SYNJ1: variants seen among roughly 807,000 people sequenced by gnomAD.
SYNJ1 encodes polyphosphatidylinositol phosphatase SYNJ1.
In SYNJ1, 78 loss-of-function variants were observed where a neutral mutation model predicts 168.2. The observed-to-expected ratio is 0.46, with a 90% confidence interval of 0.39 to 0.56. The LOEUF (loss-of-function observed/expected upper bound fraction) is 0.56. Among genes scored for constraint, SYNJ1 ranks in the 20% least tolerant of loss-of-function variants. The pLI, the probability that SYNJ1 is intolerant of heterozygous loss-of-function variation, is 0.00. For missense variants in SYNJ1, 1,303 were observed against 1,597.6 expected, an observed-to-expected ratio of 0.82 and a Z score of 3.14; for synonymous variants, 539 against 548.6, an observed-to-expected ratio of 0.98 and a Z score of 0.24.
chr21:32,657,174 G>A (rs891688949), intron 19 of SYNJ1, 54 bp from the exon 20 acceptor site: 23 of 1,231,762 alleles, frequency 1.9e-5, no homozygotes, highest in East Asian at 1.6e-4. Context: ...AGGACAGATC[G>A]TGTAGAGCAA....
chr21:32,653,395 T>C lies in SYNJ1; in HGVS notation c.2796-29A>G, dbSNP rs1440161095. ...TAAGAAAAACAATAAAAAACCATAA[T>C]TAATACCATAGACATAACAAGCTCA... On this transcript the variant is annotated intron_variant, in intron 21 of 32. Transcript: ENST00000674351. 2.6e-6 allele frequency: 4 copies of C among 1,526,990 alleles called. No homozygotes were observed. The South Asian group carries it at 4.5e-5, about 17-fold the overall frequency. 94.6% of individuals were successfully genotyped at this position (1,526,990 alleles called of 1,614,324 possible).
intron 11 of SYNJ1, among the ~76,000 whole-genome samples, chr21:32,680,617 CT>C (rs879483781): frequency 1.2e-3 from 177 of 144,792 alleles, no homozygotes; most frequent in Middle Eastern, 3.6e-3. Flanking sequence ...TAAGTCCATT[CT>C]TTTTTTTTTT....
chr21:32,695,422 T>G, intron 4 of SYNJ1, 140 bp from the exon 5 acceptor site: 2 of 810,960 alleles, frequency 2.5e-6, no homozygotes, highest in Non-Finnish European at 3.7e-6. Flanking sequence ...TTACATTTAC[T>G]ATGCTAGGGA....
chr21:32,650,983 G>A (rs16989634), intron 22 of SYNJ1, among the ~76,000 whole-genome samples: 4,453 of 152,238 alleles, frequency 0.029, 227 homozygotes, highest in African/African-American at 0.1. Flanking sequence ...AAATTTGGGT[G>A]ACTTTTAGAC....
chr21:32,674,943 C>T (rs2041345465), intron 13 of SYNJ1, among the ~76,000 whole-genome samples: 1 of 152,040 alleles, frequency 6.6e-6, no homozygotes, highest in African/African-American at 2.4e-5. Flanking sequence ...ATAAGTATAT[C>T]CCCATTGTTT....
chr21:32,643,479 A>T (rs764781508), intron 26 of SYNJ1, 22 bp from the exon 27 acceptor site: 15 of 1,611,852 alleles, frequency 9.3e-6, no homozygotes, highest in Non-Finnish European at 1.3e-5. Context: ...AAGAACAGAA[A>T]CTATATATTG....
rs946943655 is a variant in SYNJ1, at chr21:32,681,662, C to T, written c.1201-14G>A. ...TTTAGCTAGCATCTTAAAAAGCAAACAAGAAATTTTTATAAGTACATTAAT... is the reference window on the plus strand; with the variant it reads ...TTTAGCTAGCATCTTAAAAAGCAAATAAGAAATTTTTATAAGTACATTAAT... On this transcript the variant is annotated splice_polypyrimidine_tract_variant and intron_variant, in intron 10 of 32. Transcript: ENST00000674351. 3 of 1,601,856 alleles carry T rather than the reference C, an allele frequency of 1.9e-6. 1 individual carries two copies. In the African/African-American group the frequency reaches 4.1e-5, roughly 22 times the overall value.
At chr21:32,719,668 G>A (rs2043148396) in intron 2 of SYNJ1, among the ~76,000 whole-genome samples, 2 of 150,646 alleles carry the variant, frequency 1.3e-5, no homozygotes, top group South Asian at 2.1e-4. Context: ...AGCCGAGACC[G>A]TGCCATTGCA....
At chr21:32,676,030 A>AGT (rs2041393421) in intron 13 of SYNJ1, among the ~76,000 whole-genome samples, 1 of 152,214 alleles carries the variant, frequency 6.6e-6, no homozygotes, top group Admixed American at 6.5e-5. Context: ...TAACACTAAT[A>AGT]ATATTTGTTC....
chr21:32,676,277 CAGAAAAAATA>C lies in SYNJ1; in HGVS notation c.1534+45_1534+54del. Reference sequence around the variant, plus strand: ...CTTTATTTGTTTACAATATCGACTTCAGAAAAAATAAGAAAAAATTGCTTTTATTTATAGA... The same window carrying C: ...CTTTATTTGTTTACAATATCGACTTCAGAAAAAATTGCTTTTATTTATAGA... On this transcript the variant is annotated intron_variant, in intron 13 of 32. Coordinates refer to ENST00000674351, the MANE Select transcript of SYNJ1 (RefSeq NM_203446.3). 2.1e-6 allele frequency: 3 copies of C among 1,421,984 alleles called. No individual in the cohort carries two copies. In the South Asian group the frequency reaches 4.3e-5, roughly 20 times the overall value. The allele number at this position is 1,421,984 out of a possible 1,614,324, so 88.1% of individuals were successfully genotyped here.
At chr21:32,668,007 ATATGTGTG>A (rs1235381156) in intron 15 of SYNJ1, among the ~76,000 whole-genome samples, 65 of 96,088 alleles carry the variant, frequency 6.8e-4, no homozygotes, top group Admixed American at 2.7e-3. Context: ...AGAAGAATAT[ATATGTGTG>A]TGTGTGTGTG....
At chr21:32,660,500 C>G (rs927662027) in intron 18 of SYNJ1, among the ~76,000 whole-genome samples, 6 of 152,220 alleles carry the variant, frequency 3.9e-5, no homozygotes, top group African/African-American at 1.4e-4. Context: ...TCAGTTTATT[C>G]TAGCAGACCT....
intron 32 of SYNJ1, among the ~76,000 whole-genome samples, chr21:32,632,130 C>T (rs778538633): frequency 6.6e-6 from 1 of 152,198 alleles, no homozygotes; most frequent in African/African-American, 2.4e-5. Context: ...AGTTCTATCA[C>T]ATTTCAGCAT....
At chr21:32,709,186 T>C (rs1258927329) in intron 2 of SYNJ1, among the ~76,000 whole-genome samples, 3 of 152,120 alleles carry the variant, frequency 2.0e-5, no homozygotes, top group African/African-American at 7.2e-5. Context: ...TTTTACTGAC[T>C]TAAGAAAAAA....
intron 22 of SYNJ1, among the ~76,000 whole-genome samples, chr21:32,650,937 C>T (rs1407266081): frequency 2.0e-5 from 3 of 152,200 alleles, no homozygotes. Flanking sequence ...AACAGAATGA[C>T]TTCTACCTGT....
Position 32,673,492 on chromosome 21 carries a change from T to C in SYNJ1, c.1574A>G (p.Tyr525Cys). ...AATTTTCTTAGGCTTTGAATATTTG[T>C]AGAAATTCTCACACATGCTCTTTAG... Reference protein sequence around the residue: ...KVLKSMCENFYKYSKPKKIRV... With the variant: ...KVLKSMCENFCKYSKPKKIRV... The change falls in exon 14 of 33, where the codon TAC (tyrosine) becomes TGC (cysteine). Residue 525 changes from tyrosine to cysteine, a missense_variant. Physicochemically the swap from Tyr to Cys is radical, Grantham distance 194. Around this residue, in one of 2 missense-constraint regions of SYNJ1, gnomAD observed 920 missense variants for 1,208.8 expected, o/e 0.76. Transcript: ENST00000674351. 1.9e-6 allele frequency: 3 copies of C among 1,613,280 alleles called. No homozygotes were observed. The highest frequency in any genetic ancestry group is 2.2e-5 in the East Asian group (1 of 44,804).
chr21:32,638,976 G>C lies in SYNJ1; in HGVS notation c.3847C>G (p.Pro1283Ala), dbSNP rs776337872. 2.5e-6 allele frequency: 4 copies of C among 1,614,018 alleles called. No homozygotes were observed. In the East Asian group the frequency reaches 8.9e-5, roughly 36 times the overall value. Residue 1283 changes from proline to alanine, a missense_variant, in exon 31 of 33, where the codon CCA becomes GCA. By Grantham distance (27) the Pro-to-Ala change is conservative. Around this residue, in one of 2 missense-constraint regions of SYNJ1, gnomAD observed 383 missense variants for 388.8 expected, o/e 0.99. Transcript: ENST00000674351. Reference protein sequence around the residue: ...QSGPQPNLETPPQPPPRSRSS... With the variant: ...QSGPQPNLETAPQPPPRSRSS... The stretch of plus-strand genomic sequence containing the variant: ...CTGCTTCGAGGTGGTGGTTGTGGTG[G>C]GGTTTCCAAATTTGGCTGGGGGCCA...
At chr21:32,652,144 A>G (rs1455577203) in intron 22 of SYNJ1, among the ~76,000 whole-genome samples, 2 of 152,138 alleles carry the variant, frequency 1.3e-5, no homozygotes, top group African/African-American at 4.8e-5. Flanking sequence ...CTAGTATTAC[A>G]TTTAGGAAAA....
chr21:32,666,402 G>C, intron 16 of SYNJ1, 31 bp downstream of exon 16: 1 of 1,584,226 alleles, frequency 6.3e-7, no homozygotes, highest in Non-Finnish European at 8.6e-7. Context: ...ATGGTAGGAA[G>C]TAGCCTTAGA....
Sources: gnomAD v4.1 joint callset for allele counts (sites outside exome capture counted in the v4.1 genomes callset) on GRCh38, gnomAD v4.1.1 for gene constraint, gnomAD v4.1.1 regional missense constraint, MANE v1.5 for transcripts, NCBI Gene and HGNC (gene_info 2026-07-23, HGNC 2026-07-21) for gene names.